Variants in LIPA observed in about 807,000 individuals in gnomAD.
LIPA encodes the protein lysosomal acid lipase/cholesteryl ester hydrolase.
Under a neutral mutation model 40.6 loss-of-function variants are expected in LIPA, and 26 were observed. The ratio of observed to expected loss-of-function variants is 0.64; its 90% confidence interval spans 0.47 to 0.89. The LOEUF (loss-of-function observed/expected upper bound fraction) is 0.89. Among genes scored for constraint, LIPA ranks in the 40% least tolerant of loss-of-function variants. The pLI, the probability that LIPA is intolerant of heterozygous loss-of-function variation, is 0.00. For synonymous variants in LIPA, 188 were observed against 168.4 expected (o/e 1.12, Z -0.90); for missense variants, 455 against 479.6 (o/e 0.95, Z 0.48).
rs374559816 is a variant in LIPA, at chr10:89,286,455, GA to G, written c.-1-38807del. ...AGTCCAGCTTCCAGTTTCGTTCTGC[GA>G]CTAGCCCTCCCGGACCTGCCCAGCA... is the stretch of plus-strand genomic sequence containing the variant. On this transcript the variant is annotated intron_variant, in intron 1 of 5. Coordinates refer to the LIPA transcript ENST00000282673. Among the ~76,000 whole-genome samples, 678 of 152,094 alleles carry G rather than the reference GA, an allele frequency of 4.5e-3. 4 individuals carry two copies. Among genetic ancestry groups the G allele is most frequent in the African/African-American group, 0.016 (650 of 41,446 alleles).
intron 1 of LIPA, among the ~76,000 whole-genome samples, chr10:89,318,324 C>T (rs1843553202): frequency 6.6e-6 from 1 of 152,114 alleles, no homozygotes; most frequent in Non-Finnish European, 1.5e-5. Context: ...GGAGAGCCAT[C>T]TCATGGCAGA....
intron 2 of LIPA, among the ~76,000 whole-genome samples, chr10:89,394,539 T>C (rs1471547203): frequency 6.7e-6 from 1 of 148,484 alleles, no homozygotes; most frequent in Non-Finnish European, 1.5e-5. Context: ...TTTTATGTTT[T>C]CCTGCTTTTA....
At chr10:89,264,001 G>T (rs1843223090) in intron 1 of LIPA, among the ~76,000 whole-genome samples, 1 of 152,244 alleles carries the variant, frequency 6.6e-6, no homozygotes, top group Admixed American at 6.5e-5. Context: ...AGGGGAGTGT[G>T]CTGGCATCCA....
intron 1 of LIPA, among the ~76,000 whole-genome samples, chr10:89,298,758 G>C (rs1256600724): frequency 6.6e-6 from 1 of 152,098 alleles, no homozygotes; most frequent in African/African-American, 2.4e-5. Flanking sequence ...GGACAAGGAG[G>C]GTGGATCACC....
At chr10:89,324,501 A>C (rs1326868544) in intron 1 of LIPA, among the ~76,000 whole-genome samples, 1 of 152,216 alleles carries the variant, frequency 6.6e-6, no homozygotes, top group Non-Finnish European at 1.5e-5. Context: ...AACTACGACA[A>C]AACCAAAAAT....
At chr10:89,371,588 C>T (rs769009540) in intron 2 of LIPA, among the ~76,000 whole-genome samples, 28 of 152,138 alleles carry the variant, frequency 1.8e-4, no homozygotes, top group Non-Finnish European at 4.0e-4. Context: ...GCATCTCCAT[C>T]GTTTTACCAA....
At chr10:89,371,144 T>A (rs534359151) in intron 2 of LIPA, among the ~76,000 whole-genome samples, 1 of 152,326 alleles carries the variant, frequency 6.6e-6, no homozygotes, top group South Asian at 2.1e-4. Flanking sequence ...ACTGGCCAGA[T>A]CCCACCAAAA....
At chr10:89,354,995 G>A (rs537462915) in intron 2 of LIPA, among the ~76,000 whole-genome samples, 4 of 152,312 alleles carry the variant, frequency 2.6e-5, no homozygotes, top group African/African-American at 9.6e-5. Flanking sequence ...GCCACAGGAG[G>A]AGGATTGGTG....
intron 1 of LIPA, chr10:89,301,872 A>G (rs566588171): frequency 6.9e-5 from 27 of 393,512 alleles, no homozygotes; most frequent in African/African-American, 5.5e-4. Flanking sequence ...ATCACAACTC[A>G]GCTCCGGAGG....
chr10:89,266,180 C>T (rs982921518), intron 1 of LIPA, among the ~76,000 whole-genome samples: 3 of 152,230 alleles, frequency 2.0e-5, no homozygotes, highest in African/African-American at 7.2e-5. Flanking sequence ...TTGTTGCTGT[C>T]ATTTAACAGC....
intron 2 of LIPA, among the ~76,000 whole-genome samples, chr10:89,374,306 T>C (rs188713648): frequency 4.0e-4 from 61 of 152,230 alleles, no homozygotes; most frequent in African/African-American, 1.3e-3. Flanking sequence ...CTAGTTTCCA[T>C]TGTTTTTTTC....
chr10:89,402,210 G>A, intron 2 of LIPA: 1 of 905,478 alleles, frequency 1.1e-6, no homozygotes, highest in South Asian at 1.6e-5. Context: ...TAAAATACAA[G>A]GTATTTTATC....
intron 2 of LIPA, among the ~76,000 whole-genome samples, chr10:89,388,424 CTACTT>C (rs1186038819): frequency 6.6e-6 from 1 of 152,144 alleles, no homozygotes; most frequent in Non-Finnish European, 1.5e-5. Context: ...TTCTTAAACT[CTACTT>C]AGCACCATTC....
intron 1 of LIPA, among the ~76,000 whole-genome samples, chr10:89,266,589 T>C (rs1843237606): frequency 6.6e-6 from 1 of 152,236 alleles, no homozygotes; most frequent in Non-Finnish European, 1.5e-5. Context: ...TATTCCAAAA[T>C]CTGAAACACT....
chr10:89,332,793 G>A (rs552975124), intron 1 of LIPA, among the ~76,000 whole-genome samples: 5 of 152,292 alleles, frequency 3.3e-5, no homozygotes, highest in African/African-American at 1.2e-4. Context: ...TCTTTGTGAT[G>A]TATAGAGTTA....
intron 1 of LIPA, chr10:89,293,546 T>A (rs1437802474): frequency 6.6e-6 from 1 of 152,194 alleles, no homozygotes; most frequent in Non-Finnish European, 1.5e-5. Flanking sequence ...CTAGGTGGCT[T>A]AAGCAACAGA....
At chr10:89,317,113 C>G (rs1211114333) in intron 1 of LIPA, among the ~76,000 whole-genome samples, 1 of 152,210 alleles carries the variant, frequency 6.6e-6, no homozygotes, top group African/African-American at 2.4e-5. Flanking sequence ...GGGGAGAAAC[C>G]AGAGCAGAAA....
chr10:89,289,347 T>C (rs1422893225), intron 1 of LIPA, among the ~76,000 whole-genome samples: 1 of 152,214 alleles, frequency 6.6e-6, no homozygotes, highest in Non-Finnish European at 1.5e-5. Context: ...CACTTCTCAG[T>C]GTTCCATCTG....
At chr10:89,257,615 T>A (rs539878410) in intron 1 of LIPA, among the ~76,000 whole-genome samples, 2 of 152,218 alleles carry the variant, frequency 1.3e-5, no homozygotes, top group African/African-American at 4.8e-5. Flanking sequence ...GAAAAACAAA[T>A]GAAATGATCC....
Sources: allele counts gnomAD v4.1 joint callset (sites outside exome capture counted in the v4.1 genomes callset), GRCh38; gene constraint gnomAD v4.1.1; transcripts MANE v1.5; gene names NCBI Gene and HGNC (gene_info 2026-07-23, HGNC 2026-07-21).